FAM114A1: variants seen among roughly 807,000 people sequenced by gnomAD.
FAM114A1 encodes protein NOXP20.
FAM114A1 carries 62 observed loss-of-function variants against 64.3 expected under a neutral mutation model. The ratio of observed to expected loss-of-function variants is 0.96; its 90% CI spans 0.79 to 1.19. The LOEUF (loss-of-function observed/expected upper bound fraction) is 1.19. FAM114A1 is among the 50% of genes most tolerant of loss of function. The pLI is 0.00. For synonymous variants in FAM114A1, 254 were observed against 251.1 expected, an observed-to-expected ratio of 1.01 and a Z score of -0.11; for missense variants, 645 against 676.3, an observed-to-expected ratio of 0.95 and a Z score of 0.51.
intron 3 of FAM114A1, among the ~76,000 whole-genome samples, chr4:38,881,518 G>C (rs1164504965): frequency 6.6e-6 from 1 of 152,152 alleles, no homozygotes; most frequent in Non-Finnish European, 1.5e-5. Context: ...CAAAGGAGTG[G>C]GGACAGTACC....
chr4:38,873,797 G>A (rs948158789), intron 2 of FAM114A1, among the ~76,000 whole-genome samples: 1 of 152,102 alleles, frequency 6.6e-6, no homozygotes, highest in African/African-American at 2.4e-5. Context: ...AAGCCTGGTG[G>A]GATCAGAGCA....
At chr4:38,868,062 T>A in intron 1 of FAM114A1, 1 of 418,606 alleles carries the variant, frequency 2.4e-6, no homozygotes, top group South Asian at 1.7e-5. Flanking sequence ...CGTGTGAGTG[T>A]GTGTGTGTGA....
Position 38,935,754 on chromosome 4 carries a change from A to G in FAM114A1, c.1500A>G (p.Leu500=). 6.2e-7 allele frequency: 1 copy of G among 1,611,654 alleles called. No homozygotes were observed. Among genetic ancestry groups the G allele is most frequent in the South Asian group, 1.1e-5 (1 of 90,864 alleles). The change falls in exon 13 of 15, where the codon TTA becomes TTG. Residue 500 remains leucine, a synonymous_variant. Transcript: ENST00000358869. The stretch of plus-strand genomic sequence containing the variant: ...CAATGTGCAATGAAGTGGCCTCTTT[A>G]TCAAAGAAGTTTACGAATTCTTTAA... ...TTAMCNEVAS[L]SKKFTNSLTT... is the part of the protein sequence containing the mutation.
chr4:38,869,453 G>A (rs1456253336), intron 2 of FAM114A1, among the ~76,000 whole-genome samples: 1 of 152,202 alleles, frequency 6.6e-6, no homozygotes, highest in Non-Finnish European at 1.5e-5. Context: ...TGAGGCAGGA[G>A]TGGAGGATAC....
At chr4:38,867,903 C>A (rs897514106) in intron 1 of FAM114A1, 69 bp downstream of exon 1, 2 of 199,412 alleles carry the variant, frequency 1.0e-5, no homozygotes, top group East Asian at 1.3e-4. Flanking sequence ...GGCGGCTGCC[C>A]GGGGGTGGTG....
intron 13 of FAM114A1, 82 bp downstream of exon 13, chr4:38,935,872 T>C: frequency 1.0e-6 from 1 of 972,754 alleles, no homozygotes; most frequent in Non-Finnish European, 1.6e-6. Context: ...AGCGCCTTCT[T>C]TAGTAGCTCC....
intron 3 of FAM114A1, among the ~76,000 whole-genome samples, chr4:38,883,741 GTT>G (rs1715526019): frequency 6.6e-6 from 1 of 152,232 alleles, no homozygotes. Flanking sequence ...GATGAGCAGA[GTT>G]TTCTCCGGTT....
At chr4:38,918,090 GACGCA>G in intron 8 of FAM114A1, among the ~76,000 whole-genome samples, 1 of 151,932 alleles carries the variant, frequency 6.6e-6, no homozygotes, top group Non-Finnish European at 1.5e-5. Flanking sequence ...CGGGCATGGT[GACGCA>G]TGCCTTTAAT....
chr4:38,922,915 A>G (rs375056412), intron 9 of FAM114A1, 22 bp downstream of exon 9: 2 of 1,598,200 alleles, frequency 1.3e-6, no homozygotes, highest in Non-Finnish European at 1.7e-6. Context: ...TAACTTAAAT[A>G]GCAAGACAAA....
At chr4:38,870,792 A>T (rs1322491034) in intron 2 of FAM114A1, among the ~76,000 whole-genome samples, 1 of 152,190 alleles carries the variant, frequency 6.6e-6, no homozygotes, top group Non-Finnish European at 1.5e-5. Context: ...CATGACTGTA[A>T]TCCTGGTGGA....
chr4:38,871,236 C>T (rs1041789821), intron 2 of FAM114A1, among the ~76,000 whole-genome samples: 3 of 151,668 alleles, frequency 2.0e-5, no homozygotes, highest in African/African-American at 7.3e-5. Context: ...ATTACAGGCA[C>T]ATGCCACCAT....
At chr4:38,935,656 T>C (rs429091) in intron 12 of FAM114A1, 62 bp from the exon 13 acceptor site, 1 of 1,199,236 alleles carries the variant, frequency 8.3e-7, no homozygotes, top group East Asian at 2.4e-5. Context: ...GAAATGGTCG[T>C]GACAGTTAAA....
intron 3 of FAM114A1, among the ~76,000 whole-genome samples, chr4:38,881,436 G>A (rs1323126353): frequency 6.6e-6 from 1 of 152,154 alleles, no homozygotes; most frequent in Non-Finnish European, 1.5e-5. Context: ...CTGGATGGAA[G>A]TGCAAACACT....
At chr4:38,935,319 G>T (rs916091137) in intron 12 of FAM114A1, among the ~76,000 whole-genome samples, 1 of 152,160 alleles carries the variant, frequency 6.6e-6, no homozygotes, top group Admixed American at 6.5e-5. Flanking sequence ...GCACACAAAA[G>T]TGCTTAACAT....
chr4:38,906,843 T>A (rs1323692906), intron 6 of FAM114A1, among the ~76,000 whole-genome samples: 1 of 152,212 alleles, frequency 6.6e-6, no homozygotes, highest in African/African-American at 2.4e-5. Flanking sequence ...CTATGTAAAC[T>A]AACTAGTTTT....
intron 4 of FAM114A1, among the ~76,000 whole-genome samples, chr4:38,898,229 AGTACC>A (rs534581858): frequency 8.5e-4 from 129 of 152,356 alleles, no homozygotes; most frequent in African/African-American, 2.9e-3. Flanking sequence ...CTTATGCAAG[AGTACC>A]TGAGGTTGGG....
At chr4:38,917,193 C>G (rs1719147536) in intron 8 of FAM114A1, among the ~76,000 whole-genome samples, 1 of 119,012 alleles carries the variant, frequency 8.4e-6, no homozygotes, top group Non-Finnish European at 1.7e-5. Flanking sequence ...AATAAAAAAG[C>G]TGGGCATGGT....
At position 38,932,249 on chromosome 4, in the gene FAM114A1, G is replaced by A. The variant is rs758656138; in HGVS notation, c.1338G>A (p.Ser446=). 1.5e-5 allele frequency: 24 copies of A among 1,604,098 alleles called. No individual in the cohort carries two copies. Among genetic ancestry groups the A allele is most frequent in the Middle Eastern group, 1.7e-4 (1 of 6,036 alleles). ...KTKTIEEVYM[S]SIESLAEVTA... is the part of the protein sequence containing the mutation. ...ATTCATTTCAGGAAGTATACATGTCGTCCATTGAAAGTCTGGCGGAGGTAA... is the reference window on the plus strand; with the variant it reads ...ATTCATTTCAGGAAGTATACATGTCATCCATTGAAAGTCTGGCGGAGGTAA... The change falls in exon 12 of 15, where the codon TCG becomes TCA. Residue 446 remains serine, a synonymous_variant. Transcript: ENST00000358869.
chr4:38,922,490 T>C lies in FAM114A1; in HGVS notation c.946-280T>C, dbSNP rs148340424. ...ATAGAAGAGCTACCACCACCATTTA[T>C]GCAGCACATACTGTGTGCAGTTGTG... is the stretch of plus-strand genomic sequence containing the variant. On this transcript the variant is annotated intron_variant, in intron 8 of 14. Transcript: ENST00000358869. Among the ~76,000 whole-genome samples, 110 of 152,358 alleles carry C rather than the reference T, an allele frequency of 7.2e-4. 1 individual carries two copies. Among genetic ancestry groups the C allele is most frequent in the African/African-American group, 2.4e-3 (100 of 41,590 alleles).
Sources: allele counts gnomAD v4.1 joint callset (sites outside exome capture counted in the v4.1 genomes callset), GRCh38; gene constraint gnomAD v4.1.1; transcripts MANE v1.5; gene names NCBI Gene and HGNC (gene_info 2026-07-23, HGNC 2026-07-21).